Variants in LAMB4 observed in about 807,000 individuals in gnomAD.
LAMB4 encodes laminin subunit beta 4.
A neutral mutation model predicts 199.2 loss-of-function variants in LAMB4; 196 were observed. The ratio of observed to expected loss-of-function variants is 0.98; its 90% CI spans 0.88 to 1.11. The LOEUF is 1.11. Ranked by LOEUF, LAMB4 falls within the 50% of genes least tolerant of loss-of-function variation. LAMB4 has a pLI of 0.00. For missense variants in LAMB4, 2,080 were observed against 2,171.2 expected (o/e 0.96, Z 0.83); for synonymous variants, 744 against 770.6 (o/e 0.97, Z 0.57).
At chr7:108,101,541 G>T (rs1226248068) in intron 10 of LAMB4, among the ~76,000 whole-genome samples, 3 of 152,152 alleles carry the variant, frequency 2.0e-5, no homozygotes, top group Non-Finnish European at 2.9e-5. Flanking sequence ...CAAGAGTTTT[G>T]TGTCTTCTGT....
rs9690688 is a variant in LAMB4 at position 108,079,717 on chromosome 7, C to A, written c.1771G>T (p.Val591Phe). The A allele has an allele frequency of 0.083, 133,577 of 1,611,290 alleles. 10,308 individuals carry two copies. Among genetic ancestry groups the A allele is most frequent in the African/African-American group, 0.42 (31,384 of 74,802 alleles). The change falls in exon 15 of 34, where the codon GTT becomes TTT. Residue 591 changes from valine (V) to phenylalanine (F), a missense_variant. Val to Phe is a conservative substitution (Grantham distance 50). Coordinates refer to ENST00000388781, the MANE Select transcript of LAMB4 (RefSeq NM_007356.3). ...GCAAATCCAGGTCCAGTCCATGTAA[C>A]AGGGTTCCCAGGAACTGGCTCTCCT... ...VLGEPVPGNP[V>F]TWTGPGFARV...
At chr7:108,110,082 T>A (rs1055285855) in intron 4 of LAMB4, among the ~76,000 whole-genome samples, 2 of 152,180 alleles carry the variant, frequency 1.3e-5, no homozygotes, top group African/African-American at 2.4e-5. Context: ...CAGACTGGAG[T>A]GCAGTGGCAG....
At chr7:108,069,183 T>C (rs1227961407) in intron 18 of LAMB4, among the ~76,000 whole-genome samples, 1 of 152,208 alleles carries the variant, frequency 6.6e-6, no homozygotes, top group Non-Finnish European at 1.5e-5. Flanking sequence ...TTTGACAAAG[T>C]TTGGAGACAT....
intron 1 of LAMB4, among the ~76,000 whole-genome samples, chr7:108,123,471 T>C (rs904960016): frequency 6.6e-6 from 1 of 152,268 alleles, no homozygotes; most frequent in African/African-American, 2.4e-5. Context: ...TATTTTAATT[T>C]TAACCTACTT....
At chr7:108,017,245 A>G in the LAMB4 span, among the ~76,000 whole-genome samples, 1 of 152,320 alleles carries the variant, frequency 6.6e-6, no homozygotes, top group African/African-American at 2.4e-5. Context: ...TTAACATGTA[A>G]TGAGTAAAGA....
intron 14 of LAMB4, among the ~76,000 whole-genome samples, chr7:108,089,120 A>G (rs367538): frequency 0.41 from 61,493 of 151,692 alleles, 12,773 homozygotes; most frequent in East Asian, 0.58. Flanking sequence ...TTATAGCAGT[A>G]CTCCTGTCTA....
Position 108,108,838 on chromosome 7 carries a change from C to A in LAMB4, c.402+333G>T, listed in dbSNP as rs151214867. Among the ~76,000 whole-genome samples the A allele has an allele frequency of 1.2e-3, 180 of 152,142 alleles. 2 individuals carry two copies. Among genetic ancestry groups the A allele is most frequent in the African/African-American group, 3.9e-3 (161 of 41,524 alleles). ...ATTTTTCTTTCCCCTTGATTACAAC[C>A]TTTCCATATTTACCTAAATAATTTC... is the stretch of plus-strand genomic sequence containing the variant. On this transcript the variant is annotated intron_variant, in intron 5 of 33. Transcript: ENST00000388781.
In LAMB4 at chr7:108,079,596, G is replaced by A. The variant is rs148435726; in HGVS notation, c.1887+5C>T. 393 of 1,597,552 alleles carry A rather than the reference G, an allele frequency of 2.5e-4. 4 individuals carry two copies. In the Middle Eastern group the frequency reaches 4.2e-3, roughly 17 times the overall value. ...CACCACCAAAGTTGGAGAGTTAAAG[G>A]ATACCTGGGTTTCATAGTGAATGGC... On this transcript the variant is annotated splice_donor_5th_base_variant and intron_variant, in intron 15 of 33. Coordinates refer to ENST00000388781, the MANE Select transcript of LAMB4 (RefSeq NM_007356.3).
Position 108,062,903 on chromosome 7 carries a change from A to G in LAMB4, c.3153T>C (p.Pro1051=). 1 of 1,609,204 alleles carries G rather than the reference A, an allele frequency of 6.2e-7. No individual in the cohort carries two copies. ...CCAGGCCTGTGACATTCGGCAGACA[A>G]GGACATGCACCAGTGACAGGGTCAC... ...CLCDPVTGAC[P]CLPNVTGLAC... The change falls in exon 23 of 34, where the codon CCT becomes CCC. Residue 1051 remains proline (P), a synonymous_variant. Transcript: ENST00000388781.
chr7:108,024,122 G>A lies in LAMB4; in HGVS notation c.5203C>T (p.Leu1735=). The change falls in exon 34 of 34, where the codon CTG becomes TTG. Residue 1735 remains leucine, a synonymous_variant. Coordinates refer to ENST00000388781, the MANE Select transcript of LAMB4 (RefSeq NM_007356.3). ...NLSRQAKADQ[L]RILEDQVVAI... is the part of the protein sequence containing the mutation. ...ACAACTTGATCTTCCAATATTCTCA[G>A]TTGATCAGCTTTTGCTTGTCTACTT... is the stretch of plus-strand genomic sequence containing the variant. 1 of 1,601,264 alleles carries A rather than the reference G, an allele frequency of 6.2e-7. No individual in the cohort carries two copies. The highest frequency in any genetic ancestry group is 1.1e-5 in the South Asian group (1 of 89,224).
chr7:108,047,839 T>C (rs889469391), intron 28 of LAMB4, 69 bp downstream of exon 28: 1 of 1,302,948 alleles, frequency 7.7e-7, no homozygotes. Context: ...TATGGCAGTT[T>C]TATAAATTTT....
chr7:108,046,415 A>G (rs912745246), intron 28 of LAMB4, among the ~76,000 whole-genome samples: 3 of 151,900 alleles, frequency 2.0e-5, no homozygotes, highest in African/African-American at 7.3e-5. Context: ...TTTGCTTGCA[A>G]ACAAGAATGC....
intron 6 of LAMB4, among the ~76,000 whole-genome samples, chr7:108,106,883 C>A (rs984120720): frequency 6.6e-6 from 1 of 152,136 alleles, no homozygotes; most frequent in Non-Finnish European, 1.5e-5. Flanking sequence ...TGCACTCTTA[C>A]AGAAGAGACC....
chr7:108,112,413 T>A (rs2038261030), intron 3 of LAMB4, among the ~76,000 whole-genome samples: 1 of 151,902 alleles, frequency 6.6e-6, no homozygotes, highest in African/African-American at 2.4e-5. Context: ...TGCCTCAGTC[T>A]CCTGAGGAGC....
intron 31 of LAMB4, 142 bp downstream of exon 31, chr7:108,034,066 A>G (rs1185083066): frequency 1.6e-5 from 13 of 836,630 alleles, no homozygotes; most frequent in Non-Finnish European, 1.9e-5. Flanking sequence ...AAATACATGC[A>G]TAATACTACC....
In LAMB4 at chr7:108,104,495, C is replaced by T. The variant is rs1196380600; in HGVS notation, c.991+4G>A. 1 of 1,614,006 alleles carries T rather than the reference C, an allele frequency of 6.2e-7. No homozygotes were observed. Among genetic ancestry groups the T allele is most frequent in the Admixed American group, 1.7e-5 (1 of 59,998 alleles). ...GTCTATGCAGGGAACTGAGTTTCAC[C>T]CACATCTGCAAGCGTTGTCCTGGAG... is the stretch of plus-strand genomic sequence containing the variant. On this transcript the variant is annotated splice_donor_region_variant and intron_variant, in intron 9 of 33. Transcript: ENST00000388781.
rs142024183 is a variant in LAMB4, at chr7:108,024,533, C to G, written c.5147-355G>C. On this transcript the variant is annotated intron_variant, in intron 33 of 33. Coordinates refer to ENST00000388781, the MANE Select transcript of LAMB4 (RefSeq NM_007356.3). ...TTATTATTTTAGCTTCATTTTAAAA[C>G]ATGTTCTTTAGTGTTTTCCAATCTT... Among the ~76,000 whole-genome samples the G allele has an allele frequency of 3.0e-3, 455 of 152,264 alleles. 3 individuals are homozygous for G. The highest frequency in any genetic ancestry group is 0.011 in the African/African-American group (439 of 41,552).
intron 2 of LAMB4, among the ~76,000 whole-genome samples, chr7:108,118,187 C>T (rs1362481074): frequency 3.9e-5 from 6 of 151,960 alleles, no homozygotes; most frequent in Non-Finnish European, 8.8e-5. Context: ...TCAATTAAAG[C>T]ATTAGAATCC....
chr7:108,074,280 C>A (rs1394608353), intron 17 of LAMB4, among the ~76,000 whole-genome samples: 1 of 152,198 alleles, frequency 6.6e-6, no homozygotes. Flanking sequence ...ATGGGTTATT[C>A]TCTTAACTTT....
Sources: gnomAD v4.1 joint callset for allele counts (sites outside exome capture counted in the v4.1 genomes callset) on GRCh38, gnomAD v4.1.1 for gene constraint, MANE v1.5 for transcripts, NCBI Gene and HGNC (gene_info 2026-07-23, HGNC 2026-07-21) for gene names.